CERKL: variants seen among roughly 807,000 people sequenced by gnomAD.
CERKL encodes ceramide kinase-like protein.
Under a neutral mutation model 63.4 loss-of-function variants are expected in CERKL, and 61 were observed. That is an observed-to-expected ratio of 0.96 (90% CI 0.78 to 1.19). The LOEUF (loss-of-function observed/expected upper bound fraction) is 1.19. CERKL is among the 50% of genes most tolerant of loss of function. The pLI, the probability that CERKL is intolerant of heterozygous loss-of-function variation, is 0.00. For synonymous variants in CERKL, 250 were observed against 230.5 expected, an observed-to-expected ratio of 1.08 and a Z score of -0.77; for missense variants, 675 against 655.5, an observed-to-expected ratio of 1.03 and a Z score of -0.33.
At chr2:181,639,340 CACAT>C (rs1313804725) in intron 1 of CERKL, among the ~76,000 whole-genome samples, 1 of 152,058 alleles carries the variant, frequency 6.6e-6, no homozygotes, top group Non-Finnish European at 1.5e-5. Context: ...AGTAATGGGT[CACAT>C]AGAGCTTCAC....
Position 181,582,778 on chromosome 2 carries a change from A to G in CERKL, c.482-8894T>C, listed in dbSNP as rs769158520. 4.1e-4 allele frequency among the ~76,000 whole-genome samples: 63 copies of G among 152,192 alleles called. 2 individuals are homozygous for G. The highest frequency in any genetic ancestry group is 3.4e-3 in the Middle Eastern group (1 of 294). ...AGGCTCGTCTTGAACTCCTGACTTC[A>G]GGTGATCCGCCCACCTCAGCCTCCT... On this transcript the variant is annotated intron_variant, in intron 2 of 12. Transcript: ENST00000410087.
At chr2:181,578,996 G>A (rs926779958) in intron 2 of CERKL, among the ~76,000 whole-genome samples, 1 of 151,990 alleles carries the variant, frequency 6.6e-6, no homozygotes, top group Non-Finnish European at 1.5e-5. Context: ...ACTCACTACA[G>A]AAACAGCAGA....
At chr2:181,642,854 C>T (rs781633864) in intron 1 of CERKL, among the ~76,000 whole-genome samples, 49 of 152,268 alleles carry the variant, frequency 3.2e-4, no homozygotes, top group Non-Finnish European at 5.3e-4. Flanking sequence ...TGAGCTAGTC[C>T]TTTTGTCCAT....
intron 1 of CERKL, among the ~76,000 whole-genome samples, chr2:181,644,110 C>T (rs372300766): frequency 1.1e-3 from 169 of 152,318 alleles, no homozygotes; most frequent in East Asian, 7.3e-3. Context: ...TCATGAAATA[C>T]GCAAATAAGT....
intron 1 of CERKL, among the ~76,000 whole-genome samples, chr2:181,645,881 CT>C (rs1687652799): frequency 6.6e-6 from 1 of 152,084 alleles, no homozygotes; most frequent in African/African-American, 2.4e-5. Flanking sequence ...TCCTTGCCAT[CT>C]TGAAGTGGGG....
At chr2:181,581,153 T>C (rs1684491963) in intron 2 of CERKL, among the ~76,000 whole-genome samples, 1 of 152,202 alleles carries the variant, frequency 6.6e-6, no homozygotes, top group South Asian at 2.1e-4. Flanking sequence ...TTTTCATTTG[T>C]TGTTTCAGTT....
At chr2:181,573,173 G>C (rs376945632) in intron 3 of CERKL, among the ~76,000 whole-genome samples, 1 of 151,944 alleles carries the variant, frequency 6.6e-6, no homozygotes, top group Admixed American at 6.6e-5. Context: ...AATCAAAAAG[G>C]ATATTACTAA....
intron 1 of CERKL, among the ~76,000 whole-genome samples, chr2:181,639,009 T>C (rs13411804): frequency 6.6e-6 from 1 of 152,300 alleles, no homozygotes; most frequent in East Asian, 1.9e-4. Flanking sequence ...GAAGAATCTG[T>C]GGATGAGAAA....
In CERKL at chr2:181,558,536, A is replaced by G. The variant is rs977239895; in HGVS notation, c.820+30T>C. 20 of 1,609,636 alleles carry G rather than the reference A, an allele frequency of 1.2e-5. No individual in the cohort carries two copies. The highest frequency in any genetic ancestry group is 1.8e-4 in the Middle Eastern group (1 of 5,478). ...AGAAAGGAAAAGAGGGAGAAGGGTC[A>G]GTTTAATGAATCTGTAGCCACTCCC... On this transcript the variant is annotated intron_variant, in intron 5 of 12. Coordinates refer to ENST00000410087, the MANE Select transcript of CERKL (RefSeq NM_201548.5). The surrounding 1 kb of genome is among the most constrained non-coding windows in gnomAD (Gnocchi z 4.2).
Position 181,539,269 on chromosome 2 carries a change from A to C in CERKL, c.1366-5T>G. On this transcript the variant is annotated splice_region_variant and splice_polypyrimidine_tract_variant and intron_variant, in intron 11 of 12. Coordinates refer to ENST00000410087, the MANE Select transcript of CERKL (RefSeq NM_201548.5). ...CTCAACAAATGGAAAATTGAACTAA[A>C]AATAAATACAAATAATCATTATACT... 6.6e-7 allele frequency: 1 copy of C among 1,521,200 alleles called. No individual in the cohort carries two copies. Among genetic ancestry groups the C allele is most frequent in the Non-Finnish European group, 9.1e-7 (1 of 1,096,278 alleles). 94.2% of individuals were successfully genotyped at this position (1,521,200 alleles called of 1,614,324 possible).
intron 1 of CERKL, among the ~76,000 whole-genome samples, chr2:181,647,092 A>G (rs1018649293): frequency 2.2e-4 from 33 of 152,228 alleles, no homozygotes; most frequent in Non-Finnish European, 8.8e-5. Flanking sequence ...AAGAAAGTGT[A>G]ACAGATGAAA....
At chr2:181,574,257 T>C (rs1003270901) in intron 2 of CERKL, among the ~76,000 whole-genome samples, 7 of 152,188 alleles carry the variant, frequency 4.6e-5, no homozygotes, top group African/African-American at 1.7e-4. Flanking sequence ...CTGTAACAAA[T>C]AGAAGGGTAC....
chr2:181,629,235 G>C (rs903859824), intron 1 of CERKL, among the ~76,000 whole-genome samples: 4 of 151,990 alleles, frequency 2.6e-5, no homozygotes, highest in Non-Finnish European at 5.9e-5. Flanking sequence ...CAAAAAAAAA[G>C]GTAATCACTT....
At chr2:181,547,205 A>G (rs756274473) in intron 10 of CERKL, among the ~76,000 whole-genome samples, 1 of 152,166 alleles carries the variant, frequency 6.6e-6, no homozygotes, top group African/African-American at 2.4e-5. Context: ...CAGCAGCATG[A>G]AAACAGACTA....
chr2:181,565,411 C>A (rs760784019), intron 4 of CERKL: 1 of 1,576,872 alleles, frequency 6.3e-7, no homozygotes, highest in Non-Finnish European at 8.7e-7. Flanking sequence ...TAAAAAATGG[C>A]AATGAAATTT....
chr2:181,635,718 A>G (rs1287356200), intron 1 of CERKL, among the ~76,000 whole-genome samples: 1 of 152,180 alleles, frequency 6.6e-6, no homozygotes, highest in Admixed American at 6.5e-5. Context: ...TTTGGGGTAA[A>G]TATTAATTAC....
At chr2:181,650,091 GAGGGAGGGAGGGAGGGAGGGAGGAAGGA>G (rs1164237133) in intron 1 of CERKL, 4 of 52,034 alleles carry the variant, frequency 7.7e-5, no homozygotes, top group East Asian at 1.3e-3. Flanking sequence ...GGGAGGGAGG[GAGGGAGGGAGGGAGGGAGGGAGGAAGGA>G]AGGAAGGAAG....
At chr2:181,653,334 A>T (rs1339189767) in intron 1 of CERKL, among the ~76,000 whole-genome samples, 3 of 152,244 alleles carry the variant, frequency 2.0e-5, no homozygotes, top group Admixed American at 1.3e-4. Flanking sequence ...TACAGTCAAT[A>T]TGGAAAACAG....
chr2:181,622,878 A>C (rs1174181596), intron 1 of CERKL, among the ~76,000 whole-genome samples: 1 of 152,236 alleles, frequency 6.6e-6, no homozygotes, highest in Non-Finnish European at 1.5e-5. Flanking sequence ...TGATTTCTGG[A>C]AACACATAAA....
Sources: allele counts gnomAD v4.1 joint callset (sites outside exome capture counted in the v4.1 genomes callset), GRCh38; gene constraint gnomAD v4.1.1; non-coding constraint Gnocchi (gnomAD v3.1); transcripts MANE v1.5; gene names NCBI Gene and HGNC (gene_info 2026-07-23, HGNC 2026-07-21).